Variants in ARID1B observed in about 807,000 individuals in gnomAD.
ARID1B encodes the protein AT-rich interaction domain 1B.
Under a neutral mutation model 212.3 loss-of-function variants are expected in ARID1B, and 30 were observed. That is an observed-to-expected ratio of 0.14 (90% CI 0.11 to 0.19). The LOEUF is 0.19. Among genes scored for constraint, ARID1B ranks in the 10% least tolerant of loss-of-function variants. The pLI is 1.00. For synonymous variants in ARID1B, 1,402 were observed against 1,301.7 expected, an observed-to-expected ratio of 1.08 and a Z score of -1.66; for missense variants, 2,891 against 3,204.0, an observed-to-expected ratio of 0.90 and a Z score of 2.36.
chr6:157,095,852 C>CA (rs5881203), intron 5 of ARID1B, among the ~76,000 whole-genome samples: 96,118 of 151,616 alleles, frequency 0.63, 30,657 homozygotes, highest in Middle Eastern at 0.77. Flanking sequence ...TGAAAAAAGG[C>CA]AAAAAAAAGT....
At chr6:157,103,982 C>T (rs1007103427) in intron 5 of ARID1B, among the ~76,000 whole-genome samples, 1 of 151,822 alleles carries the variant, frequency 6.6e-6, no homozygotes, top group Non-Finnish European at 1.5e-5. Flanking sequence ...ATTACAGGCA[C>T]CTGCCACCAT....
chr6:157,195,829 G>A (rs572663181), intron 15 of ARID1B: 1 of 286,440 alleles, frequency 3.5e-6, no homozygotes, highest in African/African-American at 2.3e-5. Context: ...GCAAGGCTGA[G>A]GTGGATGGAT....
At chr6:156,840,625 C>G (rs1420710241) in intron 2 of ARID1B, among the ~76,000 whole-genome samples, 1 of 152,202 alleles carries the variant, frequency 6.6e-6, no homozygotes, top group Non-Finnish European at 1.5e-5. Context: ...CCAAAGCTTT[C>G]ATAGTTTTCA....
intron 12 of ARID1B, among the ~76,000 whole-genome samples, chr6:157,182,561 C>T (rs1792634453): frequency 6.6e-6 from 1 of 152,112 alleles, no homozygotes; most frequent in Non-Finnish European, 1.5e-5. Flanking sequence ...AAGTCATCTG[C>T]CCTGCAGGTG....
chr6:156,812,945 T>A (rs913246165), intron 1 of ARID1B, among the ~76,000 whole-genome samples: 2 of 129,544 alleles, frequency 1.5e-5, no homozygotes, highest in Non-Finnish European at 3.3e-5. Flanking sequence ...TGTGTGTGTG[T>A]GTGTGTGTGT....
chr6:157,165,467 T>C (rs1226853422), intron 8 of ARID1B, among the ~76,000 whole-genome samples: 1 of 152,222 alleles, frequency 6.6e-6, no homozygotes, highest in African/African-American at 2.4e-5. Context: ...TAGCTTGATT[T>C]TGCAGATGGT....
intron 3 of ARID1B, among the ~76,000 whole-genome samples, chr6:156,908,863 A>G (rs540697150): frequency 6.6e-6 from 1 of 152,132 alleles, no homozygotes; most frequent in Admixed American, 6.6e-5. Flanking sequence ...ATCTTGAACA[A>G]TGTTTTGTGT....
At chr6:157,191,186 C>T (rs2128342207) in intron 15 of ARID1B, among the ~76,000 whole-genome samples, 1 of 152,108 alleles carries the variant, frequency 6.6e-6, no homozygotes, top group South Asian at 2.1e-4. Flanking sequence ...GGGGAGACCA[C>T]TGTGAGAGTC....
At chr6:156,830,028 C>T (rs781542490) in intron 2 of ARID1B, among the ~76,000 whole-genome samples, 4 of 152,080 alleles carry the variant, frequency 2.6e-5, no homozygotes, top group Non-Finnish European at 5.9e-5. Context: ...TCTTAAGAGA[C>T]CCAACATTTT....
At chr6:157,111,042 A>T (rs1164226626) in intron 6 of ARID1B, 1 of 157,512 alleles carries the variant, frequency 6.3e-6, no homozygotes, top group Non-Finnish European at 1.4e-5. Flanking sequence ...AGCAGACCTA[A>T]AAGTTTCTAT....
At chr6:157,103,970 G>A (rs1786279802) in intron 5 of ARID1B, among the ~76,000 whole-genome samples, 8 of 151,584 alleles carry the variant, frequency 5.3e-5, no homozygotes, top group Admixed American at 5.3e-4. Flanking sequence ...TGAGTAGCTG[G>A]GATTACAGGC....
chr6:157,073,929 C>T (rs1438811338), intron 4 of ARID1B, among the ~76,000 whole-genome samples: 1 of 152,206 alleles, frequency 6.6e-6, no homozygotes, highest in Non-Finnish European at 1.5e-5. Flanking sequence ...ATGCTACACA[C>T]ACAAGTGGAG....
At chr6:156,786,715 T>C (rs951705404) in intron 1 of ARID1B, among the ~76,000 whole-genome samples, 1 of 152,200 alleles carries the variant, frequency 6.6e-6, no homozygotes, top group Non-Finnish European at 1.5e-5. Context: ...AGACAGTCAA[T>C]TGGCAAATAT....
chr6:157,012,105 C>T (rs955535071), intron 4 of ARID1B, among the ~76,000 whole-genome samples: 2 of 152,172 alleles, frequency 1.3e-5, no homozygotes, highest in African/African-American at 2.4e-5. Context: ...ACATTTTAAA[C>T]AACAGCTGAG....
intron 3 of ARID1B, among the ~76,000 whole-genome samples, chr6:156,911,587 T>G (rs912479803): frequency 6.6e-6 from 1 of 152,204 alleles, no homozygotes; most frequent in Non-Finnish European, 1.5e-5. Context: ...GAAATTCATA[T>G]GTAAAGTGAG....
At chr6:157,060,534 A>G (rs1783270118) in intron 4 of ARID1B, among the ~76,000 whole-genome samples, 1 of 152,074 alleles carries the variant, frequency 6.6e-6, no homozygotes, top group Non-Finnish European at 1.5e-5. Flanking sequence ...TTCAATAACA[A>G]CAATTTCACA....
intron 4 of ARID1B, among the ~76,000 whole-genome samples, chr6:157,004,897 CTTTTTTTTT>C (rs1177807875): frequency 6.9e-4 from 38 of 54,724 alleles, no homozygotes; most frequent in African/African-American, 2.7e-3. Flanking sequence ...CTTCTTTTTT[CTTTTTTTTT>C]TTTTTTTTTT....
chr6:157,102,959 T>G (rs1486812427), intron 5 of ARID1B, among the ~76,000 whole-genome samples: 3 of 152,190 alleles, frequency 2.0e-5, no homozygotes, highest in Non-Finnish European at 4.4e-5. Flanking sequence ...AACTACAGCC[T>G]AAGGACCAAA....
intron 12 of ARID1B, among the ~76,000 whole-genome samples, chr6:157,183,276 C>T (rs967268518): frequency 1.3e-5 from 2 of 152,084 alleles, no homozygotes; most frequent in Non-Finnish European, 2.9e-5. Flanking sequence ...CAAAAGAGGG[C>T]GGTGGGCATC....
Sources: allele counts gnomAD v4.1 joint callset (sites outside exome capture counted in the v4.1 genomes callset), GRCh38; gene constraint gnomAD v4.1.1; transcripts MANE v1.5; gene names NCBI Gene and HGNC (gene_info 2026-07-23, HGNC 2026-07-21).